The following CSGALNACT1 variants were observed in gnomAD, a reference collection of about 807,000 sequenced individuals.
CSGALNACT1 encodes the protein chondroitin sulfate N-acetylgalactosaminyltransferase 1, also known as beta4GalNAcT-1.
Under a neutral mutation model 51.0 loss-of-function variants are expected in CSGALNACT1, and 52 were observed. The observed-to-expected ratio is 1.02, with a 90% CI of 0.82 to 1.29. CSGALNACT1 has a LOEUF of 1.29. Among genes scored for constraint, CSGALNACT1 ranks in the 50% most tolerant of loss-of-function variants. CSGALNACT1 has a pLI of 0.00. For missense variants in CSGALNACT1, 935 were observed against 679.2 expected (o/e 1.38, Z -4.19); for synonymous variants, 341 against 254.4 (o/e 1.34, Z -3.24).
chr8:19,415,918 G>T (rs911482108), intron 8 of CSGALNACT1, among the ~76,000 whole-genome samples: 2 of 152,210 alleles, frequency 1.3e-5, no homozygotes, highest in Middle Eastern at 3.4e-3. Flanking sequence ...ATAAGCAATT[G>T]TAACACAATG....
intron 4 of CSGALNACT1, among the ~76,000 whole-genome samples, chr8:19,471,136 G>T (rs894836343): frequency 5.2e-4 from 78 of 151,142 alleles, no homozygotes; most frequent in Non-Finnish European, 5.9e-4. Flanking sequence ...AGGGGAGAGA[G>T]AGAGAAAAAA....
intron 5 of CSGALNACT1, among the ~76,000 whole-genome samples, chr8:19,445,755 G>A (rs1413945242): frequency 6.6e-6 from 1 of 152,218 alleles, no homozygotes; most frequent in Non-Finnish European, 1.5e-5. Flanking sequence ...TGGCTGGCCG[G>A]CTGAATGATC....
rs191078312 is a variant in CSGALNACT1, at chr8:19,742,202, A to T, written c.-297+15648T>A. Among the ~76,000 whole-genome samples the T allele has an allele frequency of 6.9e-3, 1,052 of 152,192 alleles. 5 individuals carry two copies. Among genetic ancestry groups the T allele is most frequent in the Middle Eastern group, 0.02 (6 of 294 alleles). ...TTGCTATCATTCCCATTTTATAGAC[A>T]AAACAACTGAGGCTCAAAGTGGTAA... On this transcript the variant is annotated intron_variant, in intron 1 of 1. Coordinates refer to the CSGALNACT1 transcript ENST00000517494.
chr8:19,494,908 T>C (rs2075171436), intron 4 of CSGALNACT1: 1 of 142,732 alleles, frequency 7.0e-6, no homozygotes, highest in African/African-American at 2.6e-5. Flanking sequence ...GGCAGGAGGG[T>C]CGGGTAGGAT....
At chr8:19,472,653 G>C (rs969915090) in intron 4 of CSGALNACT1, among the ~76,000 whole-genome samples, 1 of 152,140 alleles carries the variant, frequency 6.6e-6, no homozygotes, top group Non-Finnish European at 1.5e-5. Flanking sequence ...GAATCAACTC[G>C]GCAATCAAAA....
chr8:19,546,979 C>T lies in CSGALNACT1; in HGVS notation c.-296-40849G>A, dbSNP rs941099038. ...GAGTAGCTGAATCATCCATCAGATG[C>T]GTCTTCTCTAGAAATACCTGACAGT... is the stretch of plus-strand genomic sequence containing the variant. On this transcript the variant is annotated intron_variant, in intron 3 of 9. Coordinates refer to ENST00000454498, the Ensembl canonical transcript of CSGALNACT1. Among the ~76,000 whole-genome samples the T allele has an allele frequency of 3.9e-5, 6 of 152,330 alleles. No individual in the cohort carries two copies. The South Asian group carries it at 8.3e-4, about 21-fold the overall frequency.
intron 5 of CSGALNACT1, among the ~76,000 whole-genome samples, chr8:19,452,623 C>T (rs1179179826): frequency 6.6e-6 from 1 of 152,064 alleles, no homozygotes; most frequent in Admixed American, 6.6e-5. Context: ...GACTGGTAGG[C>T]GTGGAAAGAG....
chr8:19,405,799 G>C, exon 10 of CSGALNACT1: 1 of 1,614,066 alleles, frequency 6.2e-7, no homozygotes, highest in Non-Finnish European at 8.5e-7. Context: ...TTTGCTACTT[G>C]TCTTCTGTTT....
upstream of CSGALNACT1, chr8:19,682,974 C>T: frequency 3.4e-6 from 1 of 291,850 alleles, no homozygotes; most frequent in Non-Finnish European, 6.9e-6. Flanking sequence ...CCTTCGTAAA[C>T]CAAAGAGCAG....
intron 3 of CSGALNACT1, among the ~76,000 whole-genome samples, chr8:19,517,481 G>C (rs1479353075): frequency 6.6e-6 from 1 of 152,068 alleles, no homozygotes; most frequent in Non-Finnish European, 1.5e-5. Context: ...CTCTAGAAGG[G>C]TTAAAGTGAT....
chr8:19,417,552 T>C (rs1329354477), intron 8 of CSGALNACT1, among the ~76,000 whole-genome samples: 6 of 152,138 alleles, frequency 3.9e-5, no homozygotes, highest in African/African-American at 7.2e-5. Context: ...TACTCTCCCA[T>C]TGTACGGAAG....
intron 3 of CSGALNACT1, among the ~76,000 whole-genome samples, chr8:19,547,892 G>A (rs2086859529): frequency 6.6e-6 from 1 of 152,170 alleles, no homozygotes; most frequent in African/African-American, 2.4e-5. Flanking sequence ...CAGACCCTGA[G>A]GGATTTGGGT....
At chr8:19,421,747 T>C (rs2057974388) in intron 6 of CSGALNACT1, among the ~76,000 whole-genome samples, 1 of 152,244 alleles carries the variant, frequency 6.6e-6, no homozygotes, top group Non-Finnish European at 1.5e-5. Flanking sequence ...TCAGTAAAAC[T>C]AGTTCTGCGA....
At chr8:19,447,509 T>C (rs2062346904) in intron 5 of CSGALNACT1, among the ~76,000 whole-genome samples, 1 of 152,186 alleles carries the variant, frequency 6.6e-6, no homozygotes, top group African/African-American at 2.4e-5. Context: ...GAAGTCTTTT[T>C]CAACCTCTGC....
rs1179696417 is a variant in CSGALNACT1, at chr8:19,534,189, C to G, written c.-296-28059G>C. On this transcript the variant is annotated intron_variant, in intron 3 of 9. Transcript: ENST00000454498. The stretch of plus-strand genomic sequence containing the variant: ...ATATGAGGCCGGGTGTGGTGGTTCA[C>G]ATCTGTAATTCCAGCACTTTGGGAG... 2.6e-5 allele frequency among the ~76,000 whole-genome samples: 4 copies of G among 152,134 alleles called. 1 individual carries two copies. Among genetic ancestry groups the G allele is most frequent in the African/African-American group, 4.8e-5 (2 of 41,440 alleles).
At chr8:19,689,888 C>T (rs1004234780) in intron 1 of CSGALNACT1, among the ~76,000 whole-genome samples, 6 of 152,166 alleles carry the variant, frequency 3.9e-5, no homozygotes, top group Non-Finnish European at 8.8e-5. Context: ...TGCTTTTTTG[C>T]GCTATGCTGT....
chr8:19,590,319 C>A (rs115445211), intron 3 of CSGALNACT1, among the ~76,000 whole-genome samples: 1 of 152,158 alleles, frequency 6.6e-6, no homozygotes, highest in African/African-American at 2.4e-5. Context: ...TGTGGCAGAA[C>A]GTAGTAATAG....
intron 1 of CSGALNACT1, among the ~76,000 whole-genome samples, chr8:19,700,563 G>C (rs1479245097): frequency 1.3e-5 from 2 of 152,168 alleles, no homozygotes; most frequent in Non-Finnish European, 2.9e-5. Context: ...CTTAGTGCAT[G>C]ATCCATGGTG....
upstream of CSGALNACT1, among the ~76,000 whole-genome samples, chr8:19,685,041 C>G (rs1210215785): frequency 6.6e-6 from 1 of 152,182 alleles, no homozygotes; most frequent in Non-Finnish European, 1.5e-5. Context: ...ACATTTGTAA[C>G]AGGTGCATTT....
Sources: gnomAD v4.1 joint callset for allele counts (sites outside exome capture counted in the v4.1 genomes callset) on GRCh38, gnomAD v4.1.1 for gene constraint, MANE v1.5 for transcripts, NCBI Gene and HGNC (gene_info 2026-07-23, HGNC 2026-07-21) for gene names.